Variants in NCAM2 observed in about 807,000 individuals in gnomAD.
NCAM2 encodes N-CAM-2.
A neutral mutation model predicts 98.1 loss-of-function variants in NCAM2; 30 were observed. The observed-to-expected ratio is 0.31, with a 90% CI of 0.23 to 0.41. The LOEUF is 0.41. Ranked by LOEUF, NCAM2 falls within the 10% of genes least tolerant of loss-of-function variation. The pLI is 1.00. For synonymous variants in NCAM2, 368 were observed against 342.4 expected, an observed-to-expected ratio of 1.07 and a Z score of -0.83; for missense variants, 867 against 1,005.8, an observed-to-expected ratio of 0.86 and a Z score of 1.87.
intron 1 of NCAM2, among the ~76,000 whole-genome samples, chr21:21,245,413 A>G (rs2071226141): frequency 6.6e-6 from 1 of 152,182 alleles, no homozygotes; most frequent in Non-Finnish European, 1.5e-5. Flanking sequence ...TAACATGGGC[A>G]TCACTTTTCC....
chr21:21,420,865 A>T lies in NCAM2; in HGVS notation c.1480+2296A>T, dbSNP rs2077096940. 3.3e-5 allele frequency among the ~76,000 whole-genome samples: 5 copies of T among 152,046 alleles called. No homozygotes were observed. In the South Asian group the frequency reaches 1.0e-3, roughly 31 times the overall value. ...TACAAGCAAATTAAATTATAAGAAA[A>T]TGAAGTGTGCTAATTCTCACCAAAA... On this transcript the variant is annotated intron_variant, in intron 11 of 17. Transcript: ENST00000400546.
chr21:21,250,924 C>T (rs2071445080), intron 1 of NCAM2, among the ~76,000 whole-genome samples: 1 of 152,262 alleles, frequency 6.6e-6, no homozygotes, highest in East Asian at 1.9e-4. Flanking sequence ...TGTAGCTATG[C>T]TAATATTACA....
intron 1 of NCAM2, among the ~76,000 whole-genome samples, chr21:21,256,493 G>T (rs2071678041): frequency 6.6e-6 from 1 of 152,104 alleles, no homozygotes; most frequent in Non-Finnish European, 1.5e-5. Flanking sequence ...TTTGATGATG[G>T]ACTGTTCATA....
chr21:21,446,195 A>G (rs551186331), intron 12 of NCAM2, among the ~76,000 whole-genome samples: 1 of 152,160 alleles, frequency 6.6e-6, no homozygotes, highest in Admixed American at 6.6e-5. Flanking sequence ...TTCTGCTGAG[A>G]GGTCTGCTGT....
At chr21:21,365,613 T>G (rs1212227353) in intron 8 of NCAM2, among the ~76,000 whole-genome samples, 1 of 151,918 alleles carries the variant, frequency 6.6e-6, no homozygotes, top group African/African-American at 2.4e-5. Context: ...ATGACATACA[T>G]GATGGTAGTA....
At chr21:21,159,997 C>G (rs925118556) in intron 1 of NCAM2, among the ~76,000 whole-genome samples, 1 of 151,930 alleles carries the variant, frequency 6.6e-6, no homozygotes, top group African/African-American at 2.4e-5. Flanking sequence ...ATACGGAAGA[C>G]CTGAGAAAAG....
At chr21:21,408,187 C>G (rs62207435) in intron 9 of NCAM2, among the ~76,000 whole-genome samples, 11,701 of 152,060 alleles carry the variant, frequency 0.077, 775 homozygotes, top group East Asian at 0.18. Context: ...ACAATTTAGG[C>G]CACCTCATCT....
intron 1 of NCAM2, among the ~76,000 whole-genome samples, chr21:21,140,012 A>C (rs531927236): frequency 6.6e-6 from 1 of 152,300 alleles, no homozygotes; most frequent in East Asian, 1.9e-4. Context: ...TGTCTCCAAG[A>C]ATTTAGGACA....
At chr21:21,510,596 A>G (rs1988307264) in intron 16 of NCAM2, among the ~76,000 whole-genome samples, 5 of 228 alleles carry the variant, frequency 0.022, no homozygotes, top group African/African-American at 0.015. Context: ...TGTTTTATAG[A>G]CACATTTTGT....
chr21:21,052,792 C>T (rs924360862), intron 1 of NCAM2, among the ~76,000 whole-genome samples: 11 of 152,056 alleles, frequency 7.2e-5, no homozygotes, highest in South Asian at 2.1e-4. Flanking sequence ...TCAATTATTG[C>T]GTAGTACCTA....
At chr21:21,175,764 T>C (rs1050646732) in intron 1 of NCAM2, among the ~76,000 whole-genome samples, 1 of 152,088 alleles carries the variant, frequency 6.6e-6, no homozygotes, top group African/African-American at 2.4e-5. Context: ...GAGAAGAGAT[T>C]TGTGAAGTAA....
rs185952928 is a variant in NCAM2 at position 21,340,694 on chromosome 21, T to A, written c.1044+2160T>A. ...CTTATTTTTCTATACTCCAGTACACTTCTTTTCCCCTAATATTTCTAGTTT... is the reference window on the plus strand; with the variant it reads ...CTTATTTTTCTATACTCCAGTACACATCTTTTCCCCTAATATTTCTAGTTT... On this transcript the variant is annotated intron_variant, in intron 8 of 17. Coordinates refer to ENST00000400546, the MANE Select transcript of NCAM2 (RefSeq NM_004540.5). Among the ~76,000 whole-genome samples the A allele has an allele frequency of 3.0e-4, 46 of 152,118 alleles. No individual in the cohort carries two copies. In the East Asian group the frequency reaches 7.9e-3, roughly 26 times the overall value.
intron 8 of NCAM2, among the ~76,000 whole-genome samples, chr21:21,346,799 A>G (rs989076533): frequency 1.3e-5 from 2 of 152,068 alleles, no homozygotes; most frequent in Admixed American, 1.3e-4. Flanking sequence ...AGAAATTCAG[A>G]AGGAAATTTA....
In NCAM2 at chr21:21,364,201, T is replaced by A. The variant is rs192962076; in HGVS notation, c.1045-9662T>A. 1.3e-4 allele frequency among the ~76,000 whole-genome samples: 20 copies of A among 152,136 alleles called. No homozygotes were observed. The East Asian group carries it at 3.9e-3, about 29-fold the overall frequency. ...TGCGGTTTTCAGATTTTAATTTTTT[T>A]AGTATTTTGATGTTTCTTTCATGTT... is the stretch of plus-strand genomic sequence containing the variant. On this transcript the variant is annotated intron_variant, in intron 8 of 17. Coordinates refer to ENST00000400546, the MANE Select transcript of NCAM2 (RefSeq NM_004540.5).
intron 1 of NCAM2, among the ~76,000 whole-genome samples, chr21:21,016,351 A>G (rs1490844281): frequency 1.3e-5 from 2 of 152,224 alleles, no homozygotes; most frequent in Non-Finnish European, 2.9e-5. Context: ...ATCAAAGCCA[A>G]CGTTTATAAA....
intron 11 of NCAM2, among the ~76,000 whole-genome samples, chr21:21,431,123 T>TTGTGTGTGTGTGTGTGTCTGTGTGTG (rs2077332853): frequency 7.1e-6 from 1 of 141,172 alleles, no homozygotes; most frequent in Non-Finnish European, 1.5e-5. Context: ...TAATATATGT[T>TTGTGTGTGTGTGTGTGTCTGTGTGTG]TGTGTGTGTG....
chr21:21,470,095 A>G (rs983197712), intron 14 of NCAM2, among the ~76,000 whole-genome samples: 2 of 152,004 alleles, frequency 1.3e-5, no homozygotes, highest in African/African-American at 2.4e-5. Context: ...TGCAATGACT[A>G]CTTGTGAGAC....
At chr21:21,119,512 A>G (rs2066629138) in intron 1 of NCAM2, among the ~76,000 whole-genome samples, 1 of 152,094 alleles carries the variant, frequency 6.6e-6, no homozygotes, top group Non-Finnish European at 1.5e-5. Flanking sequence ...CTCTGCAGCT[A>G]ATATATTTTT....
At chr21:21,423,522 G>T (rs2077155026) in intron 11 of NCAM2, among the ~76,000 whole-genome samples, 1 of 152,052 alleles carries the variant, frequency 6.6e-6, no homozygotes, top group South Asian at 2.1e-4. Context: ...ATGAGATAAT[G>T]ACCTTACTTA....
Sources: allele counts gnomAD v4.1 joint callset (sites outside exome capture counted in the v4.1 genomes callset), GRCh38; gene constraint gnomAD v4.1.1; transcripts MANE v1.5; gene names NCBI Gene and HGNC (gene_info 2026-07-23, HGNC 2026-07-21).